Variants in TAF4 observed in about 807,000 individuals in gnomAD.
TAF4 encodes the protein transcription initiation factor TFIID subunit 4.
In TAF4, 9 loss-of-function variants were observed where a neutral mutation model predicts 90.3. The observed-to-expected ratio is 0.10, with a 90% CI of 0.06 to 0.17. TAF4 has a LOEUF of 0.17. Ranked by LOEUF, TAF4 falls within the 10% of genes least tolerant of loss-of-function variation. The probability of loss-of-function intolerance (pLI) is 1.00; values close to 1 mark genes in which losing one functional copy is unlikely to be tolerated. For missense variants in TAF4, 1,351 were observed against 1,370.7 expected (o/e 0.99, Z 0.23); for synonymous variants, 818 against 638.9 (o/e 1.28, Z -4.23).
Position 62,064,964 on chromosome 20 carries a change from G to A in TAF4, c.847C>T (p.Pro283Ser), listed in dbSNP as rs1182246087. The stretch of plus-strand genomic sequence containing the variant: ...GGGGGTCCGGCGGGGTGGCCGGGCG[G>A]CCGGGCCAGAGTGGCGGGCGCGGGG... Reference protein sequence around the residue: ...PPPAPATLARPPGHPAGPPTA... With the variant: ...PPPAPATLARSPGHPAGPPTA... The change falls in exon 1 of 15, where the codon CCG becomes TCG. Residue 283 changes from proline (P) to serine (S), a missense_variant. Transcript: ENST00000252996. 4.7e-6 allele frequency: 2 copies of A among 428,010 alleles called. No homozygotes were observed. The highest frequency in any genetic ancestry group is 7.1e-5 in the Admixed American group (1 of 14,014). The allele number at this position is 428,010 out of a possible 1,614,324, so 26.5% of individuals were successfully genotyped here.
intron 1 of TAF4, among the ~76,000 whole-genome samples, chr20:62,059,943 G>A (rs999501993): frequency 2.0e-5 from 3 of 152,216 alleles, no homozygotes; most frequent in East Asian, 1.9e-4. Context: ...TTAAGTGGAA[G>A]AAAACTCACA....
At chr20:61,990,619 C>G (rs1354077704) in intron 14 of TAF4, among the ~76,000 whole-genome samples, 1 of 152,174 alleles carries the variant, frequency 6.6e-6, no homozygotes, top group Non-Finnish European at 1.5e-5. Context: ...AAACCTGGGG[C>G]AGGGGAGGAC....
At chr20:61,987,090 C>T (rs1449879077) in intron 14 of TAF4, among the ~76,000 whole-genome samples, 1 of 152,226 alleles carries the variant, frequency 6.6e-6, no homozygotes, top group Non-Finnish European at 1.5e-5. Flanking sequence ...GCAGCAGCAG[C>T]AGCAACAGCC....
At chr20:62,048,369 G>A (rs1163349165) in intron 1 of TAF4, among the ~76,000 whole-genome samples, 3 of 152,154 alleles carry the variant, frequency 2.0e-5, no homozygotes, top group Non-Finnish European at 4.4e-5. Flanking sequence ...CCCGAGTGCA[G>A]AGCAGTGAGG....
At chr20:62,047,210 G>A (rs1386199163) in intron 1 of TAF4, among the ~76,000 whole-genome samples, 1 of 152,120 alleles carries the variant, frequency 6.6e-6, no homozygotes, top group Non-Finnish European at 1.5e-5. Flanking sequence ...CAACTTCAGT[G>A]TCACTATGAG....
rs1228530498 is a variant in TAF4 at position 61,995,724 on chromosome 20, G to A, written c.3090+1826C>T. ...TAAAAATACAAAAAATTAGCCGGGC[G>A]CGGTGGCGGGCGCCTGTAGTCCCAG... On this transcript the variant is annotated intron_variant, in intron 14 of 14. Coordinates refer to ENST00000252996, the MANE Select transcript of TAF4 (RefSeq NM_003185.4). 1.2e-4 allele frequency among the ~76,000 whole-genome samples: 8 copies of A among 65,706 alleles called. 4 individuals carry two copies. The highest frequency in any genetic ancestry group is 3.2e-4 in the African/African-American group (4 of 12,676). 43.1% of individuals were successfully genotyped at this position (65,706 alleles called of 152,430 possible).
At position 61,977,052 on chromosome 20, in the gene TAF4, C is replaced by T. The variant is rs565554567; in HGVS notation, c.3091-717G>A. The stretch of plus-strand genomic sequence containing the variant: ...CCCAGCAGGGCACGCGCCACACACA[C>T]GACACCGCCCAGCGGGGCACACGCC... On this transcript the variant is annotated intron_variant, in intron 14 of 14. Transcript: ENST00000252996. 3.1e-5 allele frequency among the ~76,000 whole-genome samples: 4 copies of T among 130,794 alleles called. No individual in the cohort carries two copies. The South Asian group carries it at 1.1e-3, about 36-fold the overall frequency. The allele number at this position is 130,794 out of a possible 152,430, so 85.8% of individuals were successfully genotyped here.
At chr20:62,022,968 G>T (rs1213062609) in intron 1 of TAF4, among the ~76,000 whole-genome samples, 2 of 152,026 alleles carry the variant, frequency 1.3e-5, no homozygotes, top group Non-Finnish European at 2.9e-5. Context: ...GCAAGTGAAG[G>T]GACGTGCACT....
chr20:61,999,944 A>G (rs956397075), intron 11 of TAF4, among the ~76,000 whole-genome samples, 180 bp downstream of exon 11: 3 of 152,178 alleles, frequency 2.0e-5, no homozygotes, highest in African/African-American at 7.2e-5. Flanking sequence ...GTGAGACCCT[A>G]CCTCAAAAAG....
intron 1 of TAF4, among the ~76,000 whole-genome samples, chr20:62,063,980 G>T (rs920447186): frequency 6.6e-6 from 1 of 152,246 alleles, no homozygotes; most frequent in Non-Finnish European, 1.5e-5. Flanking sequence ...GAAAGGCTAA[G>T]TGGGGACACA....
chr20:62,056,493 T>G (rs1238650258), intron 1 of TAF4, among the ~76,000 whole-genome samples: 2 of 152,072 alleles, frequency 1.3e-5, no homozygotes, highest in Admixed American at 1.3e-4. Flanking sequence ...CACACACAGT[T>G]AGACATGAAG....
chr20:62,044,243 A>G (rs1387282175), intron 1 of TAF4, among the ~76,000 whole-genome samples: 1 of 152,240 alleles, frequency 6.6e-6, no homozygotes, highest in Non-Finnish European at 1.5e-5. Context: ...AAGTTTTTCA[A>G]TTAAAATAAA....
chr20:62,042,403 C>G (rs1046548373), intron 1 of TAF4, among the ~76,000 whole-genome samples: 4 of 152,256 alleles, frequency 2.6e-5, no homozygotes, highest in African/African-American at 9.6e-5. Context: ...TGACCTGATT[C>G]TTCCTGGACA....
At chr20:62,057,268 C>G (rs1021003828) in intron 1 of TAF4, among the ~76,000 whole-genome samples, 17 of 152,202 alleles carry the variant, frequency 1.1e-4, no homozygotes, top group Non-Finnish European at 1.3e-4. Flanking sequence ...CACCCAGCGC[C>G]CAGAGAAGGG....
rs895030626 is a variant in TAF4, at chr20:62,014,395, C to T, written c.1521+152G>A. ...GAGAGCAGCGCCGTCCCGGGCCCAT[C>T]CTAGATGGGACGGATGGGACTGGGA... On this transcript the variant is annotated intron_variant, in intron 2 of 14. Coordinates refer to ENST00000252996, the MANE Select transcript of TAF4 (RefSeq NM_003185.4). The T allele has an allele frequency of 6.5e-5, 70 of 1,080,890 alleles. 3 individuals carry two copies. The South Asian group carries it at 1.3e-3, about 20-fold the overall frequency. 67.0% of individuals were successfully genotyped at this position (1,080,890 alleles called of 1,614,324 possible).
intron 1 of TAF4, chr20:62,064,173 C>T (rs1351082940): frequency 8.2e-6 from 3 of 367,218 alleles, no homozygotes; most frequent in Non-Finnish European, 1.5e-5. Context: ...AGAGTCCTGG[C>T]TGAGCCACTC....
Position 62,064,520 on chromosome 20 carries a change from C to T in TAF4, c.1291G>A (p.Val431Met). 6.5e-7 allele frequency: 1 copy of T among 1,528,480 alleles called. No individual in the cohort carries two copies. The highest frequency in any genetic ancestry group is 8.8e-7 in the Non-Finnish European group (1 of 1,140,904). The allele number at this position is 1,528,480 out of a possible 1,614,324, so 94.7% of individuals were successfully genotyped here. A position where few individuals can be genotyped will look rare whatever the true frequency, so the allele number is the denominator to read the frequency against. ...SGIRATLTPT[V>M]LAPRLPQPPQ... ...GGCTGCGGCAAGCGGGGGGCCAGCA[C>T]GGTGGGCGTCAGGGTGGCCCGAATC... Residue 431 changes from valine (V) to methionine (M), a missense_variant, in exon 1 of 15, where the codon GTG (valine) becomes ATG (methionine). Physicochemically the swap from Val to Met is conservative, Grantham distance 21. This residue lies in a region of TAF4 where 782 missense variants were observed against 536.6 expected (regional missense o/e 1.46). Coordinates refer to ENST00000252996, the MANE Select transcript of TAF4 (RefSeq NM_003185.4).
At chr20:62,004,704 C>T (rs2055733112) in intron 7 of TAF4, 1 of 152,268 alleles carries the variant, frequency 6.6e-6, no homozygotes, top group Admixed American at 6.5e-5. Context: ...CCTGCCTGAA[C>T]TTGGCCCTCA....
At chr20:61,986,557 A>T (rs1311458259) in intron 14 of TAF4, among the ~76,000 whole-genome samples, 1 of 152,284 alleles carries the variant, frequency 6.6e-6, no homozygotes, top group Non-Finnish European at 1.5e-5. Flanking sequence ...CCCCAGTCAA[A>T]GGAAGCAATG....
Sources: allele counts gnomAD v4.1 joint callset (sites outside exome capture counted in the v4.1 genomes callset), GRCh38; gene constraint gnomAD v4.1.1; regional missense constraint gnomAD v4.1.1; transcripts MANE v1.5; gene names NCBI Gene and HGNC (gene_info 2026-07-23, HGNC 2026-07-21).